BCKDHB: variants seen among roughly 807,000 people sequenced by gnomAD.
BCKDHB encodes the protein branched chain keto acid dehydrogenase E1 subunit beta.
BCKDHB carries 41 observed loss-of-function variants against 48.5 expected under a neutral mutation model. That is an observed-to-expected ratio of 0.85 (90% CI 0.66 to 1.10). BCKDHB has a LOEUF of 1.10. Among genes scored for constraint, BCKDHB ranks in the 50% least tolerant of loss-of-function variants. The probability of loss-of-function intolerance (pLI) is 0.00; values close to 1 mark genes in which losing one functional copy is unlikely to be tolerated. For synonymous variants in BCKDHB, 201 were observed against 174.8 expected (o/e 1.15, Z -1.18); for missense variants, 496 against 494.2 (o/e 1.00, Z -0.03).
At chr6:80,374,043 A>G in the BCKDHB span, 7 of 661,384 alleles carry the variant, frequency 1.1e-5, no homozygotes, top group Admixed American at 3.6e-5. Flanking sequence ...TTTTTGTTTC[A>G]TCAGTTTCTT....
chr6:80,182,142 A>G (rs1351459625), intron 6 of BCKDHB, among the ~76,000 whole-genome samples: 3 of 152,208 alleles, frequency 2.0e-5, no homozygotes, highest in Non-Finnish European at 4.4e-5. Context: ...TTGTAAATCT[A>G]CAGTTCCAGA....
intron 6 of BCKDHB, 21 bp downstream of exon 6, chr6:80,171,411 A>G (rs368334143): frequency 2.9e-6 from 4 of 1,388,104 alleles, no homozygotes; most frequent in Middle Eastern, 2.5e-4. Flanking sequence ...TCTTTATTTT[A>G]TATTTGTGAA....
intron 1 of BCKDHB, among the ~76,000 whole-genome samples, chr6:80,112,244 G>A (rs983228839): frequency 6.6e-5 from 10 of 152,128 alleles, no homozygotes; most frequent in Admixed American, 2.6e-4. Flanking sequence ...AGCAATATAA[G>A]TCCACTGGTT....
chr6:80,441,336 T>G, the BCKDHB span, among the ~76,000 whole-genome samples: 1 of 152,276 alleles, frequency 6.6e-6, no homozygotes, highest in East Asian at 1.9e-4. Flanking sequence ...ACATATTGCC[T>G]TATTCTGTTA....
At chr6:80,137,046 C>T (rs372612608) in intron 3 of BCKDHB, among the ~76,000 whole-genome samples, 146 of 152,170 alleles carry the variant, frequency 9.6e-4, no homozygotes, top group African/African-American at 3.0e-3. Context: ...GAAAACAGTA[C>T]GGTAGTTCCT....
chr6:80,231,462 A>G (rs1261938215), intron 8 of BCKDHB, among the ~76,000 whole-genome samples: 4 of 152,190 alleles, frequency 2.6e-5, no homozygotes, highest in Admixed American at 2.0e-4. Context: ...AAAAAGGGCT[A>G]TTTTCTTTAC....
the BCKDHB span, among the ~76,000 whole-genome samples, chr6:80,391,140 G>T: frequency 6.6e-6 from 1 of 150,856 alleles, no homozygotes; most frequent in Non-Finnish European, 1.5e-5. Flanking sequence ...GGAACCTTGT[G>T]ATTGTGTAAG....
intron 3 of BCKDHB, among the ~76,000 whole-genome samples, chr6:80,130,413 C>T (rs1238573074): frequency 6.6e-6 from 1 of 152,064 alleles, no homozygotes; most frequent in Non-Finnish European, 1.5e-5. Context: ...TTATGTTATA[C>T]TTAAATCCAA....
chr6:80,444,095 A>G, the BCKDHB span, among the ~76,000 whole-genome samples: 1 of 152,024 alleles, frequency 6.6e-6, no homozygotes, highest in Non-Finnish European at 1.5e-5. Context: ...AAAAGCTACA[A>G]TTTTTAGTTA....
intron 8 of BCKDHB, among the ~76,000 whole-genome samples, chr6:80,230,238 C>T (rs1013370499): frequency 6.6e-6 from 1 of 151,034 alleles, no homozygotes; most frequent in Non-Finnish European, 1.5e-5. Context: ...CGGGGTTTCA[C>T]CGTGTTAGCC....
intron 3 of BCKDHB, among the ~76,000 whole-genome samples, chr6:80,151,754 G>C (rs1011682308): frequency 6.6e-6 from 1 of 152,156 alleles, no homozygotes; most frequent in African/African-American, 2.4e-5. Context: ...TCTGAGAAAA[G>C]GGCACCAGCC....
chr6:80,280,947 T>G (rs1188283360), intron 9 of BCKDHB, among the ~76,000 whole-genome samples: 1 of 151,990 alleles, frequency 6.6e-6, no homozygotes, highest in Non-Finnish European at 1.5e-5. Flanking sequence ...AAAGCATAGC[T>G]TGGTTTCTAG....
rs111427700 is a variant in BCKDHB, at chr6:80,170,950, G to C, written c.634-332G>C. On this transcript the variant is annotated intron_variant, in intron 5 of 9. Transcript: ENST00000320393. ...AGAGATTTCTTCATAGATAAACACA[G>C]GTAGATATTAACAATATTACAGTTT... 1.7e-3 allele frequency among the ~76,000 whole-genome samples: 264 copies of C among 152,102 alleles called. 1 individual carries two copies. Among genetic ancestry groups the C allele is most frequent in the African/African-American group, 6.0e-3 (250 of 41,504 alleles).
intron 6 of BCKDHB, among the ~76,000 whole-genome samples, chr6:80,194,675 G>A (rs1258914685): frequency 6.6e-6 from 1 of 152,158 alleles, no homozygotes; most frequent in Non-Finnish European, 1.5e-5. Flanking sequence ...AGTGATACAA[G>A]TGACAGAGTG....
intron 9 of BCKDHB, among the ~76,000 whole-genome samples, chr6:80,292,400 G>T (rs1209563658): frequency 6.6e-6 from 1 of 152,168 alleles, no homozygotes; most frequent in African/African-American, 2.4e-5. Flanking sequence ...GCAAGCAAAA[G>T]AGAACATGTG....
the BCKDHB span, among the ~76,000 whole-genome samples, chr6:80,444,048 G>A: frequency 6.6e-6 from 1 of 151,918 alleles, no homozygotes; most frequent in African/African-American, 2.4e-5. Context: ...TCTAGATTAT[G>A]ATATGGGTAA....
chr6:80,197,123 G>A (rs530410136), intron 6 of BCKDHB, among the ~76,000 whole-genome samples: 6 of 152,206 alleles, frequency 3.9e-5, no homozygotes, highest in South Asian at 2.1e-4. Flanking sequence ...CTGAAGATTC[G>A]TGCTCTAACT....
At chr6:80,431,522 A>T in the BCKDHB span, among the ~76,000 whole-genome samples, 132,139 of 152,188 alleles carry the variant, frequency 0.87, 57,985 homozygotes, top group East Asian at 0.95. Flanking sequence ...GGTGCATGTA[A>T]ATTTAGGAAA....
At chr6:80,274,708 T>C (rs971454994) in intron 9 of BCKDHB, among the ~76,000 whole-genome samples, 1 of 152,060 alleles carries the variant, frequency 6.6e-6, no homozygotes, top group African/African-American at 2.4e-5. Context: ...CTATAACTCC[T>C]CTTGTGAAGT....
Sources: gnomAD v4.1 joint callset for allele counts (sites outside exome capture counted in the v4.1 genomes callset) on GRCh38, gnomAD v4.1.1 for gene constraint, MANE v1.5 for transcripts, NCBI Gene and HGNC (gene_info 2026-07-23, HGNC 2026-07-21) for gene names.